The following SIPA1L3 variants were observed in gnomAD, a reference collection of about 807,000 sequenced individuals.
SIPA1L3 encodes the protein signal-induced proliferation-associated 1-like protein 3.
SIPA1L3 carries 59 observed loss-of-function variants against 150.1 expected under a neutral mutation model. The observed-to-expected ratio is 0.39, with a 90% CI of 0.32 to 0.49. The LOEUF is 0.49. Among genes scored for constraint, SIPA1L3 ranks in the 20% least tolerant of loss-of-function variants. SIPA1L3 has a pLI of 0.86. For synonymous variants in SIPA1L3, 1,070 were observed against 1,077.6 expected (o/e 0.99, Z 0.14); for missense variants, 2,211 against 2,489.5 (o/e 0.89, Z 2.38).
rs769692248 is a variant in SIPA1L3, at chr19:38,189,138, C to CT, written c.4431-2991dup. 3.3e-3 allele frequency among the ~76,000 whole-genome samples: 452 copies of CT among 137,718 alleles called. 1 individual carries two copies. Among genetic ancestry groups the CT allele is most frequent in the South Asian group, 0.012 (50 of 4,238 alleles). 90.3% of individuals were successfully genotyped at this position (137,718 alleles called of 152,430 possible). On this transcript the variant is annotated intron_variant, in intron 16 of 21. Transcript: ENST00000222345. ...CCTCACTTGCTCTTGCTCTTCAAGT[C>CT]TTTTTTTTTTTTTTTTGAGACAGGC...
At chr19:38,051,972 T>A (rs1969205106) in intron 2 of SIPA1L3, among the ~76,000 whole-genome samples, 1 of 152,242 alleles carries the variant, frequency 6.6e-6, no homozygotes. Flanking sequence ...ATGTACACAG[T>A]TGTCACCAGA....
At chr19:37,928,819 CAAAG>C (rs1471671317) in intron 1 of SIPA1L3, among the ~76,000 whole-genome samples, 1 of 152,152 alleles carries the variant, frequency 6.6e-6, no homozygotes, top group Non-Finnish European at 1.5e-5. Flanking sequence ...TCTCATATAA[CAAAG>C]AAGCCTGTAG....
At chr19:37,941,646 G>C (rs1034180801) in intron 1 of SIPA1L3, among the ~76,000 whole-genome samples, 4 of 152,100 alleles carry the variant, frequency 2.6e-5, no homozygotes, top group Non-Finnish European at 5.9e-5. Flanking sequence ...GGGGCCTTGC[G>C]GGTGTTTGTC....
At chr19:37,998,384 G>A (rs1967696009) in intron 1 of SIPA1L3, among the ~76,000 whole-genome samples, 1 of 152,136 alleles carries the variant, frequency 6.6e-6, no homozygotes, top group Admixed American at 6.5e-5. Context: ...GATTGGTAAT[G>A]GAACCAGCCT....
intron 15 of SIPA1L3, among the ~76,000 whole-genome samples, chr19:38,169,213 AC>A (rs1188548085): frequency 1.3e-5 from 2 of 152,034 alleles, no homozygotes; most frequent in African/African-American, 4.8e-5. Context: ...ACACGGTGAA[AC>A]CCCATCTCTA....
intron 1 of SIPA1L3, among the ~76,000 whole-genome samples, chr19:37,949,560 G>A (rs892474107): frequency 7.2e-5 from 11 of 152,064 alleles, no homozygotes; most frequent in African/African-American, 2.7e-4. Flanking sequence ...AGCTATTCCG[G>A]AGATTGAGGC....
At chr19:38,022,766 G>C (rs1364215916) in intron 1 of SIPA1L3, among the ~76,000 whole-genome samples, 1 of 152,092 alleles carries the variant, frequency 6.6e-6, no homozygotes, top group Non-Finnish European at 1.5e-5. Flanking sequence ...ACAGTGCCTG[G>C]CATGTAGTAA....
chr19:37,915,484 C>T (rs1430476064), intron 1 of SIPA1L3, among the ~76,000 whole-genome samples: 2 of 152,022 alleles, frequency 1.3e-5, no homozygotes, highest in East Asian at 1.9e-4. Context: ...TGGGTTCAAG[C>T]GATTCTCCTG....
chr19:38,039,423 G>C (rs1324217074), intron 2 of SIPA1L3, among the ~76,000 whole-genome samples: 1 of 151,984 alleles, frequency 6.6e-6, no homozygotes, highest in African/African-American at 2.4e-5. Context: ...GTCGGGCATG[G>C]TGGCTCACGC....
At chr19:38,122,391 T>A (rs1820609411) in intron 9 of SIPA1L3, among the ~76,000 whole-genome samples, 1 of 152,166 alleles carries the variant, frequency 6.6e-6, no homozygotes, top group Non-Finnish European at 1.5e-5. Context: ...GGCTCCACTC[T>A]CTCTCATGCC....
intron 8 of SIPA1L3, among the ~76,000 whole-genome samples, chr19:38,111,655 C>T (rs1220912790): frequency 6.6e-6 from 1 of 152,208 alleles, no homozygotes. Flanking sequence ...CGCTGGTTGT[C>T]TAGCACCTCT....
At chr19:37,973,085 G>T (rs1308988785) in intron 1 of SIPA1L3, among the ~76,000 whole-genome samples, 1 of 151,760 alleles carries the variant, frequency 6.6e-6, no homozygotes, top group African/African-American at 2.4e-5. Flanking sequence ...GGGAGGATAG[G>T]TATTGGGGGA....
intron 1 of SIPA1L3, among the ~76,000 whole-genome samples, chr19:38,007,552 G>A (rs914502999): frequency 6.6e-6 from 1 of 151,622 alleles, no homozygotes; most frequent in Non-Finnish European, 1.5e-5. Context: ...TATAGGTTTT[G>A]TGAAGATTCC....
chr19:38,045,770 G>T (rs1969042602), intron 2 of SIPA1L3, among the ~76,000 whole-genome samples: 1 of 152,030 alleles, frequency 6.6e-6, no homozygotes, highest in South Asian at 2.1e-4. Context: ...ATTTTGGCTG[G>T]GAGAATAGTC....
chr19:38,141,582 C>T (rs1005171549), intron 11 of SIPA1L3, 147 bp downstream of exon 11: 2 of 863,360 alleles, frequency 2.3e-6, no homozygotes, highest in Admixed American at 2.9e-5. Context: ...CTCCCTTGTT[C>T]CTCCCTCCCT....
chr19:38,187,090 G>T (rs1392386750), intron 16 of SIPA1L3, among the ~76,000 whole-genome samples: 2 of 151,884 alleles, frequency 1.3e-5, no homozygotes, highest in African/African-American at 4.8e-5. Flanking sequence ...CGAGGCGGGG[G>T]AATTACTTGA....
At chr19:38,084,463 G>C (rs1256630761) in intron 3 of SIPA1L3, among the ~76,000 whole-genome samples, 1 of 150,162 alleles carries the variant, frequency 6.7e-6, no homozygotes, top group Non-Finnish European at 1.5e-5. Flanking sequence ...GCACTTAGTG[G>C]CCACACCTGT....
chr19:38,018,146 CTTTGAGTGTCT>C (rs1968281215), intron 1 of SIPA1L3, among the ~76,000 whole-genome samples: 1 of 135,588 alleles, frequency 7.4e-6, no homozygotes, highest in Admixed American at 7.5e-5. Flanking sequence ...CTGGATAGCC[CTTTGAGTGTCT>C]TTTTTTTTTT....
chr19:38,089,291 C>T (rs1033916312), intron 4 of SIPA1L3, among the ~76,000 whole-genome samples: 2 of 145,642 alleles, frequency 1.4e-5, no homozygotes, highest in Non-Finnish European at 3.0e-5. Flanking sequence ...GCACTCCAGC[C>T]TGCCAGCCTG....
Sources: gnomAD v4.1 joint callset for allele counts (sites outside exome capture counted in the v4.1 genomes callset) on GRCh38, gnomAD v4.1.1 for gene constraint, MANE v1.5 for transcripts, NCBI Gene and HGNC (gene_info 2026-07-23, HGNC 2026-07-21) for gene names.